The following GTF2IRD1 variants were observed in gnomAD, a reference collection of about 807,000 sequenced individuals.
The protein encoded by GTF2IRD1 is GTF2I repeat domain containing 1, also known as general transcription factor II-I repeat domain-containing protein 1.
Under a neutral mutation model 113.2 loss-of-function variants are expected in GTF2IRD1, and 26 were observed. The observed-to-expected ratio is 0.23, with a 90% CI of 0.17 to 0.32. The LOEUF (loss-of-function observed/expected upper bound fraction) is 0.32. Ranked by LOEUF, GTF2IRD1 falls within the 10% of genes least tolerant of loss-of-function variation. GTF2IRD1 has a pLI of 1.00. For synonymous variants in GTF2IRD1, 484 were observed against 529.1 expected, an observed-to-expected ratio of 0.91 and a Z score of 1.17; for missense variants, 864 against 1,280.8, an observed-to-expected ratio of 0.67 and a Z score of 4.97.
intron 22 of GTF2IRD1, among the ~76,000 whole-genome samples, chr7:74,580,884 A>G (rs1315412449): frequency 6.6e-6 from 1 of 152,208 alleles, no homozygotes; most frequent in Non-Finnish European, 1.5e-5. Flanking sequence ...TGACATTTCC[A>G]AACAGAGAAC....
intron 1 of GTF2IRD1, among the ~76,000 whole-genome samples, chr7:74,492,272 G>A (rs1003287862): frequency 2.0e-5 from 3 of 151,230 alleles, no homozygotes; most frequent in African/African-American, 7.3e-5. Flanking sequence ...CCGGGTTCAC[G>A]CCATTCTCCT....
chr7:74,566,004 CAA>C (rs112276312), intron 22 of GTF2IRD1, among the ~76,000 whole-genome samples: 9 of 131,218 alleles, frequency 6.9e-5, no homozygotes, highest in African/African-American at 2.7e-4. Flanking sequence ...AAAAGACACA[CAA>C]ACACACACAC....
chr7:74,555,087 G>A lies in GTF2IRD1; in HGVS notation c.1917-87G>A. 1 of 1,234,748 alleles carries A rather than the reference G, an allele frequency of 8.1e-7. No homozygotes were observed. Among genetic ancestry groups the A allele is most frequent in the Non-Finnish European group, 1.2e-6 (1 of 856,064 alleles). 76.5% of individuals were successfully genotyped at this position (1,234,748 alleles called of 1,614,324 possible). Reference sequence around the variant, plus strand: ...AGCCAGAAGGGTCCATTGCAGGGCTGTGTAGACTGAGGCCCAGAGAGGAGG... The same window carrying A: ...AGCCAGAAGGGTCCATTGCAGGGCTATGTAGACTGAGGCCCAGAGAGGAGG... On this transcript the variant is annotated intron_variant, in intron 17 of 26. Transcript: ENST00000424337. The surrounding 1 kb of genome is among the most constrained non-coding windows in gnomAD (Gnocchi z 5.3).
intron 1 of GTF2IRD1, among the ~76,000 whole-genome samples, chr7:74,455,299 A>T (rs1444666525): frequency 6.6e-6 from 1 of 152,176 alleles, no homozygotes; most frequent in Non-Finnish European, 1.5e-5. Context: ...AGGCCCCCGC[A>T]GTTTTTGGAG....
rs587728576 is a variant in GTF2IRD1 at position 74,536,994 on chromosome 7, C to T, written c.1409+719C>T. On this transcript the variant is annotated intron_variant, in intron 11 of 26. Transcript: ENST00000424337. ...GGCGTGGTGGCTGGTACCTGTGGTC[C>T]CAGCTACTTGGGAGGCTGAGATGGG... Among the ~76,000 whole-genome samples the T allele has an allele frequency of 1.6e-4, 25 of 152,166 alleles. 1 individual carries two copies. In the South Asian group the frequency reaches 4.6e-3, roughly 28 times the overall value.
chr7:74,528,279 C>T (rs1477369793), intron 8 of GTF2IRD1, among the ~76,000 whole-genome samples: 1 of 152,214 alleles, frequency 6.6e-6, no homozygotes, highest in Non-Finnish European at 1.5e-5. Flanking sequence ...GGTGCAATCA[C>T]AGCTCACTGC....
In GTF2IRD1 at chr7:74,515,519, C is replaced by A. The variant is rs1554344467; in HGVS notation, c.344C>A (p.Pro115His). The change falls in exon 4 of 27, where the codon CCT (proline) becomes CAT (histidine). Residue 115 changes from proline to histidine, a missense_variant. Pro to His is a moderately conservative substitution (Grantham distance 77). Around this residue, in one of 7 missense-constraint regions of GTF2IRD1, gnomAD observed 182 missense variants for 266.6 expected, o/e 0.68. Coordinates refer to ENST00000424337, the MANE Select transcript of GTF2IRD1 (RefSeq NM_005685.4). ...GGCGAGGGTGGAGGCCGTAGCCTCC[C>A]TCGGTCCTCCCTGGAACATGGCTCA... ...QRGEGGGRSL[P>H]RSSLEHGSDV... 1 of 1,613,682 alleles carries A rather than the reference C, an allele frequency of 6.2e-7. No individual in the cohort carries two copies. Among genetic ancestry groups the A allele is most frequent in the Non-Finnish European group, 8.5e-7 (1 of 1,179,662 alleles).
chr7:74,602,293 C>A, intron 26 of GTF2IRD1, 72 bp from the exon 27 acceptor site: 3 of 1,539,024 alleles, frequency 1.9e-6, no homozygotes, highest in Non-Finnish European at 2.6e-6. Flanking sequence ...CTTCCAAAAG[C>A]AGAACTAAGC....
At chr7:74,469,326 G>GT (rs1267862995) in intron 1 of GTF2IRD1, among the ~76,000 whole-genome samples, 22 of 151,610 alleles carry the variant, frequency 1.5e-4, no homozygotes, top group African/African-American at 4.4e-4. Flanking sequence ...ATAATTCAGT[G>GT]TTTTTTTTAA....
At chr7:74,518,381 C>A in intron 5 of GTF2IRD1, 59 bp downstream of exon 5, 1 of 1,412,998 alleles carries the variant, frequency 7.1e-7, no homozygotes. Context: ...GGGTCAGGGC[C>A]GGGGGCTGGA....
At chr7:74,570,999 T>A (rs1298409786) in intron 22 of GTF2IRD1, 1 of 646,588 alleles carries the variant, frequency 1.5e-6, no homozygotes, top group Non-Finnish European at 1.9e-6. Flanking sequence ...ACGAGGGCTC[T>A]CCCCGGACCC....
At chr7:74,483,105 C>T (rs1449609940) in intron 1 of GTF2IRD1, among the ~76,000 whole-genome samples, 4 of 152,198 alleles carry the variant, frequency 2.6e-5, no homozygotes, top group African/African-American at 9.7e-5. Context: ...GGGGTTCAGT[C>T]TGACGCCTCT....
At chr7:74,551,173 C>T (rs1292771698) in intron 17 of GTF2IRD1, among the ~76,000 whole-genome samples, 7 of 152,138 alleles carry the variant, frequency 4.6e-5, no homozygotes, top group African/African-American at 1.7e-4. Flanking sequence ...GAAACACCAT[C>T]TCTACTAAAA....
chr7:74,524,294 G>A (rs1562833888), intron 8 of GTF2IRD1, 140 bp downstream of exon 8: 5 of 613,424 alleles, frequency 8.2e-6, no homozygotes, highest in East Asian at 2.8e-5. Context: ...AATGTCATCC[G>A]TCGCGGGCTC....
At chr7:74,490,412 C>T (rs1391734811) in intron 1 of GTF2IRD1, among the ~76,000 whole-genome samples, 4 of 151,980 alleles carry the variant, frequency 2.6e-5, no homozygotes, top group Admixed American at 2.6e-4. Flanking sequence ...TTCTTCCCGG[C>T]TACAGTGACA....
chr7:74,504,707 T>TC (rs1230211405), intron 1 of GTF2IRD1, among the ~76,000 whole-genome samples: 1 of 117,808 alleles, frequency 8.5e-6, no homozygotes, highest in African/African-American at 4.2e-5. Flanking sequence ...AATTTTTACT[T>TC]TTTTTTTTTT....
At chr7:74,533,844 A>G (rs1325639283) in intron 9 of GTF2IRD1, among the ~76,000 whole-genome samples, 1 of 152,002 alleles carries the variant, frequency 6.6e-6, no homozygotes, top group South Asian at 2.1e-4. Context: ...TGTGGACAAC[A>G]CAGTAAGACC....
intron 22 of GTF2IRD1, chr7:74,571,243 C>T (rs142002745): frequency 7.2e-4 from 283 of 391,838 alleles, no homozygotes; most frequent in African/African-American, 5.7e-3. Context: ...GCCCACGCCA[C>T]GTCTGCCTCC....
intron 1 of GTF2IRD1, among the ~76,000 whole-genome samples, chr7:74,482,252 G>A (rs1296787398): frequency 4.5e-5 from 6 of 134,152 alleles, no homozygotes; most frequent in African/African-American, 1.1e-4. Flanking sequence ...TTTTTGAGAC[G>A]GGCCTCCTTC....
Sources: allele counts gnomAD v4.1 joint callset (sites outside exome capture counted in the v4.1 genomes callset), GRCh38; gene constraint gnomAD v4.1.1; regional missense constraint gnomAD v4.1.1; non-coding constraint Gnocchi (gnomAD v3.1); transcripts MANE v1.5; gene names NCBI Gene and HGNC (gene_info 2026-07-23, HGNC 2026-07-21).